The following ARL10 variants were observed in gnomAD, a reference collection of about 807,000 sequenced individuals.
The protein encoded by ARL10 is ADP-ribosylation factor-like protein 10.
In ARL10, 23 loss-of-function variants were observed where a neutral mutation model predicts 26.1. The observed-to-expected ratio is 0.88, with a 90% CI of 0.63 to 1.25. The LOEUF is 1.25. ARL10 is among the 50% of genes most tolerant of loss of function. ARL10 has a pLI of 0.00. For synonymous variants in ARL10, 138 were observed against 149.1 expected (o/e 0.93, Z 0.54); for missense variants, 300 against 323.6 (o/e 0.93, Z 0.56).
At chr5:176,411,111 C>T in the ARL10 span, among the ~76,000 whole-genome samples, 4 of 152,354 alleles carry the variant, frequency 2.6e-5, no homozygotes, top group Non-Finnish European at 5.9e-5. Context: ...CTGTGTCTTT[C>T]CCAGAGACTT....
rs1768642190 is a variant in ARL10, at chr5:176,374,928, CT to C, written c.*3037del. 6.6e-6 allele frequency: 1 copy of C among 152,256 alleles called. No individual in the cohort carries two copies. The highest frequency in any genetic ancestry group is 2.4e-5 in the African/African-American group (1 of 41,458). The allele number at this position is 152,256 out of a possible 1,614,324, so 9.4% of individuals were successfully genotyped here. A position where few individuals can be genotyped will look rare whatever the true frequency, so the allele number is the denominator to read the frequency against. The stretch of plus-strand genomic sequence containing the variant: ...CTACAGAAGCGGCAGCCACCACCGC[CT>C]TTTGAAGCTCTCCATAGTAGTAGAA... On this transcript the variant is annotated 3_prime_UTR_variant, in exon 4 of 4. Coordinates refer to ENST00000310389, the MANE Select transcript of ARL10 (RefSeq NM_173664.6).
In ARL10 at chr5:176,377,010, C is replaced by T. The variant is rs13185510; in HGVS notation, c.*5115C>T. Reference sequence around the variant, plus strand: ...AAATACAGTGTGACATAATGCATTACAGCTTTGTAGTATTTAGTGGCATCA... The same window carrying T: ...AAATACAGTGTGACATAATGCATTATAGCTTTGTAGTATTTAGTGGCATCA... On this transcript the variant is annotated 3_prime_UTR_variant, in exon 4 of 4. Transcript: ENST00000310389. This position sits in a 1 kb window ranked among gnomAD's most constrained non-coding sequence, Gnocchi z 4.5. 7,725 of 152,242 alleles carry T rather than the reference C, an allele frequency of 0.051. 232 individuals are homozygous for T. The highest frequency in any genetic ancestry group is 0.11 in the Middle Eastern group (33 of 294). The allele number at this position is 152,242 out of a possible 1,614,324, so 9.4% of individuals were successfully genotyped here. A position where few individuals can be genotyped will look rare whatever the true frequency, so the allele number is the denominator to read the frequency against.
chr5:176,389,049 C>T (rs1756142196), downstream of ARL10: 3 of 1,561,382 alleles, frequency 1.9e-6, no homozygotes, highest in South Asian at 2.2e-5. Flanking sequence ...AGGACCAGAG[C>T]GCTAGCGGGG....
rs931212398 is a variant in ARL10, at chr5:176,368,475, T to C, written c.386-332T>C. Among the ~76,000 whole-genome samples the C allele has an allele frequency of 6.6e-6, 1 of 152,104 alleles. No homozygotes were observed. Among genetic ancestry groups the C allele is most frequent in the South Asian group, 2.1e-4 (1 of 4,822 alleles). ...CCCGTGAAAGGTACATCGCACGTGG[T>C]ACCTGTGGGTTTTACTGCAACAACC... On this transcript the variant is annotated intron_variant, in intron 2 of 3. Coordinates refer to ENST00000310389, the MANE Select transcript of ARL10 (RefSeq NM_173664.6). The surrounding 1 kb of genome is among the most constrained non-coding windows in gnomAD (Gnocchi z 4.1).
downstream of ARL10, chr5:176,388,815 C>G (rs776069522): frequency 3.1e-6 from 5 of 1,612,970 alleles, no homozygotes; most frequent in South Asian, 2.2e-5. Context: ...TGCTGTGGCC[C>G]GGACATGGCG....
At chr5:176,394,256 A>G (rs930014296) in intron 1 of ARL10, among the ~76,000 whole-genome samples, 1 of 152,216 alleles carries the variant, frequency 6.6e-6, no homozygotes, top group Non-Finnish European at 1.5e-5. Context: ...CAAAGCGTCC[A>G]TGGTCCAATG....
Position 176,375,180 on chromosome 5 carries a change from C to T in ARL10, c.*3285C>T, listed in dbSNP as rs1354473944. On this transcript the variant is annotated 3_prime_UTR_variant, in exon 4 of 4. Transcript: ENST00000310389. Reference sequence around the variant, plus strand: ...CCCATCCATCCACCCACCCACCCACCCATCCACCCATCCATCCATCCATCC... The same window carrying T: ...CCCATCCATCCACCCACCCACCCACTCATCCACCCATCCATCCATCCATCC... 1.8e-5 allele frequency: 2 copies of T among 110,606 alleles called. No homozygotes were observed. The highest frequency in any genetic ancestry group is 3.9e-5 in the Non-Finnish European group (2 of 51,086). The allele number at this position is 110,606 out of a possible 1,614,324, so 6.9% of individuals were successfully genotyped here.
chr5:176,403,896 G>A (rs13169400), downstream of ARL10, among the ~76,000 whole-genome samples: 55,296 of 151,884 alleles, frequency 0.36, 11,126 homozygotes, highest in African/African-American at 0.55. Context: ...AGGTAGCTGG[G>A]ATTACAGGTG....
At chr5:176,367,892 G>T in intron 2 of ARL10, 1 of 527,296 alleles carries the variant, frequency 1.9e-6, no homozygotes. Flanking sequence ...CAGTTAGGGA[G>T]GGAGCTCCTT....
At position 176,371,239 on chromosome 5, in the gene ARL10, G is replaced by A. The variant is rs530016895; in HGVS notation, c.562-483G>A. ...AAAATACAAAAATTAGCCAGGCGTGGTGGCTCACACCTGTAGTCCCAGCTA... is the reference window on the plus strand; with the variant it reads ...AAAATACAAAAATTAGCCAGGCGTGATGGCTCACACCTGTAGTCCCAGCTA... On this transcript the variant is annotated intron_variant, in intron 3 of 3. Transcript: ENST00000310389. Among the ~76,000 whole-genome samples the A allele has an allele frequency of 3.0e-4, 45 of 152,296 alleles. 1 individual carries two copies. The highest frequency in any genetic ancestry group is 5.9e-4 in the Non-Finnish European group (40 of 68,014).
the ARL10 span, among the ~76,000 whole-genome samples, chr5:176,414,156 C>T: frequency 6.6e-6 from 1 of 152,170 alleles, no homozygotes; most frequent in East Asian, 1.9e-4. Flanking sequence ...CCCCACAAGG[C>T]CTCCCTCCTC....
At chr5:176,383,357 G>C (rs1354282007), downstream of ARL10, among the ~76,000 whole-genome samples, 1 of 152,168 alleles carries the variant, frequency 6.6e-6, no homozygotes, top group Non-Finnish European at 1.5e-5. Flanking sequence ...AAATGCCCAG[G>C]GCCCACTCCA....
intron 1 of ARL10, among the ~76,000 whole-genome samples, chr5:176,400,197 C>CA (rs575077508): frequency 2.1e-3 from 229 of 110,104 alleles, no homozygotes; most frequent in African/African-American, 5.9e-3. Flanking sequence ...GACTCTATCT[C>CA]AAAAAAAAAA....
intron 1 of ARL10, chr5:176,397,774 G>A: frequency 1.9e-6 from 3 of 1,557,488 alleles, no homozygotes; most frequent in Non-Finnish European, 2.7e-6. Flanking sequence ...CACAGGCCCG[G>A]CCGCGCTCCT....
rs1224261251 is a variant in ARL10 at position 176,368,056 on chromosome 5, C to G, written c.386-751C>G. 10 of 509,540 alleles carry G rather than the reference C, an allele frequency of 2.0e-5. No individual in the cohort carries two copies. In the Admixed American group the frequency reaches 2.0e-4, roughly 10 times the overall value. The allele number at this position is 509,540 out of a possible 1,614,324, so 31.6% of individuals were successfully genotyped here. ...TTTGTGGGGATTCAGAGGTAAGTGC[C>G]TCTGACTCTCACAGCTTAGAATCCT... is the stretch of plus-strand genomic sequence containing the variant. On this transcript the variant is annotated intron_variant, in intron 2 of 3. Transcript: ENST00000310389. This position sits in a 1 kb window ranked among gnomAD's most constrained non-coding sequence, Gnocchi z 4.1.
intron 1 of ARL10, among the ~76,000 whole-genome samples, chr5:176,398,316 G>T (rs1756652350): frequency 6.6e-6 from 1 of 152,192 alleles, no homozygotes; most frequent in African/African-American, 2.4e-5. Context: ...CCCCAAAGCA[G>T]AAGACTCAAG....
chr5:176,374,709 G>A lies in ARL10; in HGVS notation c.*2814G>A. On this transcript the variant is annotated 3_prime_UTR_variant, in exon 4 of 4. Transcript: ENST00000310389. ...TAATTGTAAAGTGTTTGATTTTTTA[G>A]TTAGCTTTTGGTAACACAAGTCATG... 1 of 152,208 alleles carries A rather than the reference G, an allele frequency of 6.6e-6. No individual in the cohort carries two copies. The highest frequency in any genetic ancestry group is 1.9e-4 in the East Asian group (1 of 5,202). 9.4% of individuals were successfully genotyped at this position (152,208 alleles called of 1,614,324 possible).
chr5:176,365,708 G>C lies in ARL10; in HGVS notation c.145G>C (p.Ala49Pro), dbSNP rs894737487. Residue 49 changes from alanine (A) to proline (P), a missense_variant, in exon 1 of 4, where the codon GCG becomes CCG. Coordinates refer to ENST00000310389, the MANE Select transcript of ARL10 (RefSeq NM_173664.6). ...GGACCGGGGAGAGGCCTGGTGGGGC[G>C]CGGAGGCTGCCCGCCTCCCCGAGTG... The part of the protein sequence containing the change: ...RWDRGEAWWG[A>P]EAARLPEWDE... 8 of 1,239,410 alleles carry C rather than the reference G, an allele frequency of 6.5e-6. No individual in the cohort carries two copies. The African/African-American group carries it at 1.1e-4, about 17-fold the overall frequency. 76.8% of individuals were successfully genotyped at this position (1,239,410 alleles called of 1,614,324 possible).
chr5:176,385,260 A>G, downstream of ARL10: 1 of 1,613,304 alleles, frequency 6.2e-7, no homozygotes, highest in Non-Finnish European at 8.5e-7. Flanking sequence ...TGTAGCGTAC[A>G]TAGTCAATGA....
Sources: allele counts gnomAD v4.1 joint callset (sites outside exome capture counted in the v4.1 genomes callset), GRCh38; gene constraint gnomAD v4.1.1; non-coding constraint Gnocchi (gnomAD v3.1); transcripts MANE v1.5; gene names NCBI Gene and HGNC (gene_info 2026-07-23, HGNC 2026-07-21).